The following ENTPD5 variants were observed in gnomAD, a reference collection of about 807,000 sequenced individuals.
ENTPD5 encodes the protein nucleoside diphosphate phosphatase ENTPD5.
A neutral mutation model predicts 60.2 loss-of-function variants in ENTPD5; 49 were observed. The observed-to-expected ratio is 0.81, with a 90% CI of 0.65 to 1.03. The LOEUF (loss-of-function observed/expected upper bound fraction) is 1.03. Ranked by LOEUF, ENTPD5 falls within the 50% of genes least tolerant of loss-of-function variation. ENTPD5 has a pLI of 0.00. For synonymous variants in ENTPD5, 187 were observed against 185.4 expected, an observed-to-expected ratio of 1.01 and a Z score of -0.07; for missense variants, 480 against 507.6, an observed-to-expected ratio of 0.95 and a Z score of 0.52.
At position 73,986,912 on chromosome 14, in the gene ENTPD5, A is replaced by G; in HGVS notation, c.218-19T>C. On this transcript the variant is annotated intron_variant, in intron 4 of 15. Transcript: ENST00000334696. ...AGCTGTCCTATTTTGTCCATGGAAC[A>G]AAACAGAAGAGAGAGCTGGTTACCA... 1 of 1,600,620 alleles carries G rather than the reference A, an allele frequency of 6.2e-7. No homozygotes were observed. The highest frequency in any genetic ancestry group is 8.6e-7 in the Non-Finnish European group (1 of 1,167,770).
chr14:73,985,604 G>A (rs560214182), intron 5 of ENTPD5, among the ~76,000 whole-genome samples: 1 of 152,070 alleles, frequency 6.6e-6, no homozygotes, highest in Non-Finnish European at 1.5e-5. Context: ...ATTTTTTCTT[G>A]TAAATTTGTT....
At chr14:73,991,859 T>A (rs997749927) in intron 3 of ENTPD5, among the ~76,000 whole-genome samples, 80 of 149,762 alleles carry the variant, frequency 5.3e-4, no homozygotes, top group Middle Eastern at 3.5e-3. Context: ...ATTTAAAAAT[T>A]TTTTTTTAAA....
At chr14:74,004,738 C>A (rs1356876268) in intron 3 of ENTPD5, among the ~76,000 whole-genome samples, 1 of 152,090 alleles carries the variant, frequency 6.6e-6, no homozygotes, top group Non-Finnish European at 1.5e-5. Context: ...TCCTCCAGAG[C>A]AGTCAATCCA....
chr14:74,015,352 A>AC (rs1315339623), intron 2 of ENTPD5, among the ~76,000 whole-genome samples: 3 of 55,398 alleles, frequency 5.4e-5, no homozygotes, highest in African/African-American at 1.4e-4. Context: ...AGTACTACCC[A>AC]CCCCCCGCCC....
intron 3 of ENTPD5, among the ~76,000 whole-genome samples, chr14:73,988,917 G>A (rs1244527201): frequency 1.3e-5 from 2 of 151,968 alleles, no homozygotes; most frequent in African/African-American, 2.4e-5. Flanking sequence ...TCTGCCTCCC[G>A]GGTTCATGTG....
intron 15 of ENTPD5, among the ~76,000 whole-genome samples, chr14:73,969,224 T>C (rs1395732156): frequency 6.6e-6 from 1 of 152,236 alleles, no homozygotes; most frequent in Non-Finnish European, 1.5e-5. Flanking sequence ...ACTTCAGCTC[T>C]AGTATGTGTA....
At chr14:74,008,641 C>T (rs757720894) in intron 3 of ENTPD5, among the ~76,000 whole-genome samples, 8 of 152,050 alleles carry the variant, frequency 5.3e-5, no homozygotes, top group African/African-American at 4.8e-5. Flanking sequence ...ATGATCCACC[C>T]GCCTCGGCCT....
chr14:73,975,927 C>T lies in ENTPD5; in HGVS notation c.722+9G>A, dbSNP rs769065399. ...ATGAAATATTCTTCTTCCCTGTCCC[C>T]GTCCTCACCTATGTGTATAGAGCTT... On this transcript the variant is annotated intron_variant, in intron 10 of 15. Coordinates refer to ENST00000334696, the MANE Select transcript of ENTPD5 (RefSeq NM_001249.5). 25 of 1,587,884 alleles carry T rather than the reference C, an allele frequency of 1.6e-5. No individual in the cohort carries two copies. The highest frequency in any genetic ancestry group is 8.1e-5 in the African/African-American group (6 of 74,226).
At chr14:73,977,427 A>G in intron 6 of ENTPD5, 53 bp from the exon 7 acceptor site, 2 of 1,321,396 alleles carry the variant, frequency 1.5e-6, no homozygotes, top group Non-Finnish European at 1.1e-6. Flanking sequence ...AATAAAATAG[A>G]TTTCCATATT....
At chr14:74,017,472 G>A (rs1307760698) in intron 1 of ENTPD5, among the ~76,000 whole-genome samples, 6 of 151,904 alleles carry the variant, frequency 3.9e-5, no homozygotes, top group Admixed American at 1.3e-4. Flanking sequence ...CCAGCTACTC[G>A]GGAGGCTGAG....
chr14:73,981,370 A>G (rs1444447914), intron 6 of ENTPD5, among the ~76,000 whole-genome samples: 1 of 151,840 alleles, frequency 6.6e-6, no homozygotes, highest in African/African-American at 2.4e-5. Context: ...GTGGTGGTGC[A>G]TGCCTATAAT....
downstream of ENTPD5, chr14:73,958,744 C>G (rs2140399601): frequency 7.0e-7 from 1 of 1,437,558 alleles, no homozygotes; most frequent in Non-Finnish European, 9.1e-7. Flanking sequence ...CTGAGTTTAA[C>G]TCATGGCTGG....
At chr14:73,986,945 G>C (rs1297518581) in intron 4 of ENTPD5, 52 bp from the exon 5 acceptor site, 1 of 1,379,574 alleles carries the variant, frequency 7.2e-7, no homozygotes, top group Non-Finnish European at 1.0e-6. Flanking sequence ...CCAAAAGTTA[G>C]GCTGCTTCAG....
chr14:73,967,116 A>C (rs1410108801), intron 15 of ENTPD5, 102 bp from the exon 16 acceptor site: 3 of 879,892 alleles, frequency 3.4e-6, no homozygotes, highest in African/African-American at 3.3e-5. Context: ...CCACATGGGC[A>C]AACCAAGGCA....
chr14:73,997,972 A>C (rs1232834302), intron 3 of ENTPD5, among the ~76,000 whole-genome samples: 1 of 152,134 alleles, frequency 6.6e-6, no homozygotes, highest in East Asian at 1.9e-4. Flanking sequence ...ATTCCCCTCC[A>C]AACTAGACCA....
intron 6 of ENTPD5, among the ~76,000 whole-genome samples, chr14:73,980,867 G>A (rs2057658571): frequency 6.6e-6 from 1 of 152,156 alleles, no homozygotes; most frequent in South Asian, 2.1e-4. Flanking sequence ...GGAGGCTGAG[G>A]CGGGCAGATC....
chr14:74,018,943 G>C (rs1002348095), intron 1 of ENTPD5: 6 of 153,162 alleles, frequency 3.9e-5, no homozygotes, highest in African/African-American at 1.4e-4. Context: ...TGCCGGGAGC[G>C]GCAGAAGCGG....
intron 9 of ENTPD5, 75 bp from the exon 10 acceptor site, chr14:73,976,090 C>A (rs911890688): frequency 8.0e-7 from 1 of 1,254,668 alleles, no homozygotes; most frequent in Non-Finnish European, 1.2e-6. Flanking sequence ...CCACCCGTCC[C>A]TCCCAGCAAA....
intron 6 of ENTPD5, among the ~76,000 whole-genome samples, chr14:73,979,177 A>G (rs962321228): frequency 3.3e-5 from 5 of 152,052 alleles, no homozygotes; most frequent in Non-Finnish European, 5.9e-5. Flanking sequence ...TCATCCCCCT[A>G]AGATCTCTGA....
Sources: gnomAD v4.1 joint callset for allele counts (sites outside exome capture counted in the v4.1 genomes callset) on GRCh38, gnomAD v4.1.1 for gene constraint, MANE v1.5 for transcripts, NCBI Gene and HGNC (gene_info 2026-07-23, HGNC 2026-07-21) for gene names.